CLECL1: variants seen among roughly 807,000 people sequenced by gnomAD.
The protein encoded by CLECL1 is C-type lectin-like domain family 1.
chr12:9,724,600 G>A (rs7306304), intron 3 of CLECL1, among the ~76,000 whole-genome samples: 83,403 of 151,958 alleles, frequency 0.55, 23,403 homozygotes, highest in African/African-American at 0.66. Flanking sequence ...CATACTTAAA[G>A]GCAAGATTTA....
the CLECL1 span, chr12:9,708,905 T>A: frequency 3.7e-6 from 1 of 269,176 alleles, no homozygotes; most frequent in South Asian, 5.0e-5. Context: ...CACTTCCAGC[T>A]TATACTCCTC....
the CLECL1 span, among the ~76,000 whole-genome samples, chr12:9,705,074 T>C: frequency 5.9e-5 from 9 of 152,302 alleles, no homozygotes; most frequent in East Asian, 1.9e-4. Context: ...CCAACATCTA[T>C]TATTTTTTGA....
chr12:9,721,616 A>G (rs1378680125), downstream of CLECL1, among the ~76,000 whole-genome samples: 1 of 152,260 alleles, frequency 6.6e-6, no homozygotes, highest in Non-Finnish European at 1.5e-5. Context: ...AGCAGGAGAT[A>G]TATGAGATTC....
At position 9,722,648 on chromosome 12, in the gene CLECL1, G is replaced by A; in HGVS notation, n.428C>T. 1.9e-6 allele frequency: 3 copies of A among 1,613,000 alleles called. No homozygotes were observed. The South Asian group carries it at 3.3e-5, about 18-fold the overall frequency. ...CCTCTAAATGTTAAATCTCACCATA[G>A]CAGTAATGTCTTGAATCACCATGAG... On this transcript the variant is annotated non_coding_transcript_exon_variant, in exon 4 of 4. Transcript: ENST00000621400.
chr12:9,728,379 T>C (rs919402506), intron 2 of CLECL1, among the ~76,000 whole-genome samples: 16 of 151,796 alleles, frequency 1.1e-4, no homozygotes, highest in Admixed American at 1.3e-4. Flanking sequence ...GTATTAAATA[T>C]ATAATCTCTA....
chr12:9,702,717 A>C, the CLECL1 span, among the ~76,000 whole-genome samples: 32 of 152,182 alleles, frequency 2.1e-4, no homozygotes, highest in Non-Finnish European at 4.3e-4. Flanking sequence ...CTCTTATGTA[A>C]AATAACTAAC....
At chr12:9,711,487 G>T (rs1866200081), downstream of CLECL1, among the ~76,000 whole-genome samples, 1 of 146,510 alleles carries the variant, frequency 6.8e-6, no homozygotes. Context: ...TTTTGCTTTT[G>T]CCTGGTTTCA....
At chr12:9,733,050 GAGA>G, upstream of CLECL1, 1 of 1,614,152 alleles carries the variant, frequency 6.2e-7, no homozygotes, top group South Asian at 1.1e-5. Flanking sequence ...CAAAAAGAGA[GAGA>G]AGACCACAAA....
chr12:9,722,399 A>G (rs1277580631), downstream of CLECL1: 2 of 563,398 alleles, frequency 3.5e-6, no homozygotes, highest in Non-Finnish European at 5.3e-6. Context: ...ATCTGCTAAG[A>G]AGCAATGGTC....
chr12:9,726,010 T>C (rs1866374905), intron 3 of CLECL1, among the ~76,000 whole-genome samples: 1 of 152,018 alleles, frequency 6.6e-6, no homozygotes, highest in Admixed American at 6.6e-5. Context: ...AATCATTAGC[T>C]ACACCCTGCC....
At chr12:9,723,026 A>G (rs1024438733) in intron 3 of CLECL1, among the ~76,000 whole-genome samples, 14 of 152,232 alleles carry the variant, frequency 9.2e-5, no homozygotes, top group Non-Finnish European at 2.9e-5. Context: ...TCCTTTTTCC[A>G]TTTAATTTAT....
chr12:9,707,970 G>A, the CLECL1 span, among the ~76,000 whole-genome samples: 70 of 152,180 alleles, frequency 4.6e-4, no homozygotes, highest in African/African-American at 1.5e-3. Context: ...CCTCCATGTC[G>A]ACAGCCACAG....
exon 4 of CLECL1, chr12:9,722,706 T>C: frequency 6.2e-7 from 1 of 1,614,030 alleles, no homozygotes; most frequent in Non-Finnish European, 8.5e-7. Flanking sequence ...TCATTTTGAC[T>C]TTTGTTCCAA....
chr12:9,734,282 T>C (rs1866490004), upstream of CLECL1, among the ~76,000 whole-genome samples: 1 of 152,180 alleles, frequency 6.6e-6, no homozygotes, highest in Non-Finnish European at 1.5e-5. Flanking sequence ...AAAGACCAAC[T>C]TCTGACCCTG....
chr12:9,720,389 T>G (rs548640070), downstream of CLECL1, among the ~76,000 whole-genome samples: 1 of 150,872 alleles, frequency 6.6e-6, no homozygotes, highest in Non-Finnish European at 1.5e-5. Flanking sequence ...TTGCCCAGGC[T>G]GGAGTGCGGT....
the CLECL1 span, chr12:9,709,128 G>A: frequency 5.9e-3 from 923 of 155,728 alleles, 13 homozygotes; most frequent in African/African-American, 0.02. Context: ...ATATATGCAG[G>A]CTTTCTATAT....
downstream of CLECL1, among the ~76,000 whole-genome samples, chr12:9,712,969 C>T (rs752060197): frequency 3.9e-5 from 6 of 152,100 alleles, no homozygotes; most frequent in Non-Finnish European, 8.8e-5. Context: ...TCTCAGACAC[C>T]AAGTTGGAGA....
chr12:9,731,297 A>G (rs1866444410), intron 1 of CLECL1, among the ~76,000 whole-genome samples: 1 of 152,228 alleles, frequency 6.6e-6, no homozygotes. Flanking sequence ...AAATTATTTT[A>G]CTTATCAAGC....
chr12:9,726,274 CACA>C (rs1364757790), intron 3 of CLECL1, among the ~76,000 whole-genome samples: 2 of 151,912 alleles, frequency 1.3e-5, no homozygotes, highest in Admixed American at 6.6e-5. Flanking sequence ...AACATCACAT[CACA>C]ACAACAAAAA....
Sources: allele counts gnomAD v4.1 joint callset (sites outside exome capture counted in the v4.1 genomes callset), GRCh38; gene constraint gnomAD v4.1.1; transcripts MANE v1.5; gene names NCBI Gene and HGNC (gene_info 2026-07-23, HGNC 2026-07-21).